The following LRRK2 variants were observed in gnomAD, a reference collection of about 807,000 sequenced individuals.
LRRK2 encodes the protein leucine rich repeat kinase 2.
Under a neutral mutation model 302.6 loss-of-function variants are expected in LRRK2, and 203 were observed. The ratio of observed to expected loss-of-function variants is 0.67; its 90% CI spans 0.60 to 0.75. LRRK2 has a LOEUF of 0.75. Ranked by LOEUF, LRRK2 falls within the 30% of genes least tolerant of loss-of-function variation. LRRK2 has a pLI of 0.00. For synonymous variants in LRRK2, 1,066 were observed against 1,031.9 expected, an observed-to-expected ratio of 1.03 and a Z score of -0.63; for missense variants, 2,830 against 2,951.0, an observed-to-expected ratio of 0.96 and a Z score of 0.95.
At chr12:40,258,356 G>A (rs1346537879) in intron 12 of LRRK2, among the ~76,000 whole-genome samples, 3 of 152,092 alleles carry the variant, frequency 2.0e-5, no homozygotes, top group African/African-American at 7.2e-5. Context: ...TTTCTAAGCT[G>A]TATTTCTCTT....
chr12:40,286,571 G>A (rs1943934732), intron 19 of LRRK2: 1 of 151,958 alleles, frequency 6.6e-6, no homozygotes. Context: ...ACCATGCTCT[G>A]AGCCCCAGGG....
Position 40,323,239 on chromosome 12 carries a change from C to T in LRRK2, c.5589C>T (p.Asp1863=), listed in dbSNP as rs200612782. 14 of 1,613,102 alleles carry T rather than the reference C, an allele frequency of 8.7e-6. No individual in the cohort carries two copies. Among genetic ancestry groups the T allele is most frequent in the Non-Finnish European group, 1.2e-5 (14 of 1,179,444 alleles). The change falls in exon 38 of 51, where the codon GAC becomes GAT. Residue 1863 remains aspartate, a synonymous_variant. Transcript: ENST00000298910. ...TTGCCCCTGACTTGATTTTGGCTGA[C>T]CTGCCTAGAAATATTATGTTGAATA... ...SQIAPDLILA[D]LPRNIMLNND...
At chr12:40,323,641 T>G (rs1945463183) in intron 38 of LRRK2, among the ~76,000 whole-genome samples, 3 of 152,102 alleles carry the variant, frequency 2.0e-5, no homozygotes, top group Non-Finnish European at 2.9e-5. Context: ...AGCAGCCATA[T>G]TTTATAAAAT....
At chr12:40,366,169 CT>C (rs1205066452) in intron 49 of LRRK2, 2 of 151,932 alleles carry the variant, frequency 1.3e-5, no homozygotes, top group African/African-American at 4.8e-5. Context: ...CCAGATCTTG[CT>C]TGTCTAGATG....
chr12:40,325,463 ATAAC>A (rs1309552089), intron 38 of LRRK2, among the ~76,000 whole-genome samples: 5 of 152,184 alleles, frequency 3.3e-5, no homozygotes, highest in African/African-American at 7.2e-5. Context: ...TTTGGCTTGG[ATAAC>A]TAACTCTTTC....
intron 14 of LRRK2, among the ~76,000 whole-genome samples, chr12:40,270,227 T>G (rs1200321378): frequency 6.6e-6 from 1 of 152,128 alleles, no homozygotes. Context: ...ATCAGAGTAT[T>G]TGCACTTCTA....
At chr12:40,300,381 G>A (rs1348008418) in intron 25 of LRRK2, among the ~76,000 whole-genome samples, 1 of 152,102 alleles carries the variant, frequency 6.6e-6, no homozygotes, top group Admixed American at 6.5e-5. Flanking sequence ...ACAATAAACA[G>A]GAATTCCCCA....
chr12:40,269,461 G>T (rs1055891007), intron 14 of LRRK2, among the ~76,000 whole-genome samples: 1 of 152,120 alleles, frequency 6.6e-6, no homozygotes, highest in Admixed American at 6.6e-5. Flanking sequence ...TGAGATAGTA[G>T]TTGCTCCATC....
intron 2 of LRRK2, among the ~76,000 whole-genome samples, chr12:40,228,558 CTT>C (rs58411166): frequency 6.8e-6 from 1 of 147,772 alleles, no homozygotes; most frequent in African/African-American, 2.5e-5. Context: ...TGTCTCTTCA[CTT>C]TGTTAATTAT....
rs1375525333 is a variant in LRRK2 at position 40,359,848 on chromosome 12, TAGAC to T, written c.7028+407_7028+410del. Among the ~76,000 whole-genome samples, 4 of 152,300 alleles carry T rather than the reference TAGAC, an allele frequency of 2.6e-5. No homozygotes were observed. The East Asian group carries it at 7.7e-4, about 29-fold the overall frequency. Reference sequence around the variant, plus strand: ...CATTAAGTATTGATTGTAGGAAAGATAGACAGCAAGTATTCTTGCTTGTCCAAAG... The same window carrying T: ...CATTAAGTATTGATTGTAGGAAAGATAGCAAGTATTCTTGCTTGTCCAAAG... On this transcript the variant is annotated intron_variant, in intron 47 of 50. Coordinates refer to ENST00000298910, the MANE Select transcript of LRRK2 (RefSeq NM_198578.4).
In LRRK2 at chr12:40,249,705, T is replaced by G. The variant is rs1409947292; in HGVS notation, c.839-121T>G. The G allele has an allele frequency of 2.7e-6, 3 of 1,127,240 alleles. No individual in the cohort carries two copies. In the Admixed American group the frequency reaches 5.9e-5, roughly 22 times the overall value. 69.8% of individuals were successfully genotyped at this position (1,127,240 alleles called of 1,614,324 possible). A position where few individuals can be genotyped will look rare whatever the true frequency, so the allele number is the denominator to read the frequency against. Reference sequence around the variant, plus strand: ...ATTAAGCTATTTTAATTAAAGTAAATGTTTTAATGCCATTGAATATTCATC... The same window carrying G: ...ATTAAGCTATTTTAATTAAAGTAAAGGTTTTAATGCCATTGAATATTCATC... On this transcript the variant is annotated intron_variant, in intron 7 of 50. Transcript: ENST00000298910.
At chr12:40,343,999 G>C (rs1038927532) in intron 41 of LRRK2, among the ~76,000 whole-genome samples, 11 of 152,098 alleles carry the variant, frequency 7.2e-5, no homozygotes, top group Non-Finnish European at 1.2e-4. Flanking sequence ...ACTTTGAAAA[G>C]GAGAAGATTA....
intron 33 of LRRK2, 145 bp downstream of exon 33, chr12:40,315,445 G>C: frequency 2.8e-6 from 2 of 719,452 alleles, no homozygotes; most frequent in South Asian, 3.0e-5. Context: ...ATTTCACATA[G>C]AAGACTACTT....
chr12:40,304,620 C>T (rs11564269), intron 27 of LRRK2: 2,155 of 157,194 alleles, frequency 0.014, 28 homozygotes, highest in Non-Finnish European at 0.021. Context: ...CAACTTAGAA[C>T]GCTTTGCTAA....
At chr12:40,329,879 G>A (rs988719271) in intron 39 of LRRK2, among the ~76,000 whole-genome samples, 1 of 152,030 alleles carries the variant, frequency 6.6e-6, no homozygotes, top group African/African-American at 2.4e-5. Flanking sequence ...GAGGTTTTCT[G>A]ATTATATACA....
At position 40,356,118 on chromosome 12, in the gene LRRK2, A is replaced by G; in HGVS notation, c.6774A>G (p.Lys2258=). The G allele has an allele frequency of 1.9e-6, 3 of 1,609,758 alleles. No individual in the cohort carries two copies. The highest frequency in any genetic ancestry group is 2.5e-6 in the Non-Finnish European group (3 of 1,177,498). ...LYCNSFSKQS[K]QKNFLLVGTA... is the part of the protein sequence containing the mutation. ...ATTTCAACATTTTTCCTTTTAGCAA[A>G]CAAAAAAATTTTCTTTTGGTTGGAA... is the stretch of plus-strand genomic sequence containing the variant. The change falls in exon 46 of 51, where the codon AAA becomes AAG. Residue 2258 remains lysine, a synonymous_variant. Transcript: ENST00000298910.
chr12:40,340,636 CAATT>C (rs1269531274), intron 41 of LRRK2, among the ~76,000 whole-genome samples, 182 bp downstream of exon 41: 1 of 152,034 alleles, frequency 6.6e-6, no homozygotes, highest in South Asian at 2.1e-4. Context: ...AGGAAAAAAA[CAATT>C]GATGTAATTT....
At chr12:40,323,380 A>G in intron 38 of LRRK2, 74 bp downstream of exon 38, 1 of 1,253,940 alleles carries the variant, frequency 8.0e-7, no homozygotes, top group Non-Finnish European at 1.1e-6. Context: ...AATAGATTTC[A>G]TAATTATATT....
intron 39 of LRRK2, 34 bp downstream of exon 39, chr12:40,328,494 G>A (rs1396516158): frequency 6.9e-7 from 1 of 1,454,736 alleles, no homozygotes; most frequent in African/African-American, 1.4e-5. Flanking sequence ...ATATTAAATT[G>A]CACATTATTA....
Sources: gnomAD v4.1 joint callset for allele counts (sites outside exome capture counted in the v4.1 genomes callset) on GRCh38, gnomAD v4.1.1 for gene constraint, MANE v1.5 for transcripts, NCBI Gene and HGNC (gene_info 2026-07-23, HGNC 2026-07-21) for gene names.